The following IRAG2 variants were observed in gnomAD, a reference collection of about 807,000 sequenced individuals.
IRAG2 encodes the protein inositol 1,4,5-triphosphate receptor associated 2.
IRAG2 carries 45 observed loss-of-function variants against 69.9 expected under a neutral mutation model. The observed-to-expected ratio is 0.64, with a 90% CI of 0.51 to 0.83. The LOEUF is 0.83. IRAG2 is among the 40% of genes least tolerant of loss of function. IRAG2 has a pLI of 0.00. For missense variants in IRAG2, 520 were observed against 587.0 expected (o/e 0.89, Z 1.18); for synonymous variants, 193 against 202.4 (o/e 0.95, Z 0.40).
upstream of IRAG2, among the ~76,000 whole-genome samples, chr12:25,050,953 T>A (rs894454902): frequency 6.6e-5 from 10 of 152,114 alleles, no homozygotes; most frequent in Non-Finnish European, 1.5e-4. Flanking sequence ...GAGAGAATAG[T>A]GGTTGCCAGG....
intron 3 of IRAG2, among the ~76,000 whole-genome samples, chr12:25,014,041 A>AT (rs1166656924): frequency 1.3e-5 from 2 of 150,878 alleles, no homozygotes; most frequent in Non-Finnish European, 3.0e-5. Context: ...TGCCCAGCTA[A>AT]TTTTTTATAT....
upstream of IRAG2, among the ~76,000 whole-genome samples, chr12:25,002,091 C>T (rs781417030): frequency 1.3e-5 from 2 of 152,030 alleles, no homozygotes; most frequent in African/African-American, 2.4e-5. Context: ...GCTCTTTGCT[C>T]GACATAGGGA....
intron 6 of IRAG2, among the ~76,000 whole-genome samples, chr12:25,018,662 C>T (rs1446848625): frequency 6.6e-6 from 1 of 152,152 alleles, no homozygotes; most frequent in Non-Finnish European, 1.5e-5. Flanking sequence ...TTCAAAGTTT[C>T]TTTAACAAAA....
chr12:25,077,277 A>AATATATATATGAAATATATATG (rs1172159542), intron 6 of IRAG2, among the ~76,000 whole-genome samples: 19 of 21,786 alleles, frequency 8.7e-4, no homozygotes, highest in African/African-American at 2.7e-3. Context: ...ATATATATGA[A>AATATATATATGAAATATATATG]ATATATATGA....
intron 21 of IRAG2, 88 bp downstream of exon 21, chr12:25,107,138 C>A: frequency 1.8e-6 from 1 of 569,196 alleles, no homozygotes; most frequent in Non-Finnish European, 3.0e-6. Flanking sequence ...AATCAAATTA[C>A]TAAAAGACAT....
intron 2 of IRAG2, among the ~76,000 whole-genome samples, chr12:25,007,955 T>A (rs1171472928): frequency 6.6e-6 from 1 of 152,234 alleles, no homozygotes; most frequent in African/African-American, 2.4e-5. Context: ...ATTTTATTTT[T>A]TTTTATTTTA....
At chr12:25,079,110 C>T in intron 6 of IRAG2, 134 bp from the exon 7 acceptor site, 1 of 815,972 alleles carries the variant, frequency 1.2e-6, no homozygotes, top group Non-Finnish European at 2.1e-6. Flanking sequence ...CCATCCCATT[C>T]CCATATCCTT....
At chr12:25,053,253 A>G (rs556486364) in intron 1 of IRAG2, among the ~76,000 whole-genome samples, 16 of 151,498 alleles carry the variant, frequency 1.1e-4, no homozygotes, top group Non-Finnish European at 1.9e-4. Flanking sequence ...AAAGTAAACA[A>G]GGAGAAAAAT....
rs748769751 is a variant in IRAG2 at position 25,104,372 on chromosome 12, G to A, written c.1058G>A (p.Gly353Glu). The A allele has an allele frequency of 5.6e-6, 9 of 1,607,904 alleles. No individual in the cohort carries two copies. In the South Asian group the frequency reaches 9.9e-5, roughly 18 times the overall value. Residue 353 changes from glycine (G) to glutamate (E), a missense_variant, in exon 20 of 22, where the codon GGG becomes GAG. Gly to Glu is a moderately conservative substitution (Grantham distance 98, BLOSUM62 -2). Coordinates refer to ENST00000556887, the MANE Select transcript of IRAG2 (RefSeq NM_001366544.2). ...TCATCTTTATTTAGGCGTATTTTGG[G>A]GTCAAAGCAGAGTGAACACCGTCCC... The part of the protein sequence containing the change: ...SRRSSSWRIL[G>E]SKQSEHRPSL...
intron 4 of IRAG2, among the ~76,000 whole-genome samples, chr12:25,065,396 T>C (rs775856341): frequency 4.6e-5 from 7 of 152,156 alleles, no homozygotes; most frequent in African/African-American, 9.7e-5. Flanking sequence ...CTAAACCCTA[T>C]GTTTTTTCTA....
At chr12:25,062,936 A>G (rs1945721835) in intron 3 of IRAG2, 36 bp downstream of exon 3, 4 of 398,822 alleles carry the variant, frequency 1.0e-5, no homozygotes, top group Non-Finnish European at 1.8e-5. Flanking sequence ...TTAGGTAGTA[A>G]TTGTGAATCA....
chr12:25,090,749 T>C (rs1254786369), intron 14 of IRAG2: 7 of 423,122 alleles, frequency 1.7e-5, no homozygotes, highest in Non-Finnish European at 2.3e-5. Context: ...AGCTATAAAA[T>C]GAAAAATGTC....
chr12:25,047,212 A>C (rs755172293), intron 16 of IRAG2, among the ~76,000 whole-genome samples: 13 of 152,238 alleles, frequency 8.5e-5, no homozygotes, highest in Non-Finnish European at 8.8e-5. Flanking sequence ...CCTAAAACTG[A>C]AAACACCTAG....
chr12:25,084,561 G>GTGTGTGTT (rs1947445171), intron 10 of IRAG2, among the ~76,000 whole-genome samples: 1 of 151,268 alleles, frequency 6.6e-6, no homozygotes, highest in Admixed American at 6.6e-5. Flanking sequence ...GTGTGTGTGT[G>GTGTGTGTT]TGTGTGTATT....
chr12:25,054,402 A>C (rs1481788525), intron 1 of IRAG2, among the ~76,000 whole-genome samples: 1 of 152,202 alleles, frequency 6.6e-6, no homozygotes, highest in Non-Finnish European at 1.5e-5. Flanking sequence ...TTAAATCAAT[A>C]TTATACCTGA....
At chr12:25,015,154 T>TC in intron 3 of IRAG2, 1 of 1,013,080 alleles carries the variant, frequency 9.9e-7, no homozygotes, top group Non-Finnish European at 1.2e-6. Context: ...TCACTGGTTT[T>TC]GTTTTTTTTT....
chr12:25,101,957 T>C, intron 16 of IRAG2: 1 of 665,886 alleles, frequency 1.5e-6, no homozygotes, highest in Non-Finnish European at 2.8e-6. Context: ...ATGTAGTGCC[T>C]ACCCTGTGCT....
At chr12:25,047,693 T>C (rs1022008224), upstream of IRAG2, among the ~76,000 whole-genome samples, 5 of 152,154 alleles carry the variant, frequency 3.3e-5, no homozygotes, top group Non-Finnish European at 7.3e-5. Flanking sequence ...CTACCACTCA[T>C]AAGTGAGAAC....
intron 9 of IRAG2, among the ~76,000 whole-genome samples, chr12:25,030,106 C>A (rs968124761): frequency 7.2e-5 from 11 of 152,090 alleles, no homozygotes; most frequent in Non-Finnish European, 1.5e-4. Flanking sequence ...TCACTGGTAA[C>A]ATGAGAGCAA....
Sources: gnomAD v4.1 joint callset for allele counts (sites outside exome capture counted in the v4.1 genomes callset) on GRCh38, gnomAD v4.1.1 for gene constraint, MANE v1.5 for transcripts, NCBI Gene and HGNC (gene_info 2026-07-23, HGNC 2026-07-21) for gene names.